The following MTMR9 variants were observed in gnomAD, a reference collection of about 807,000 sequenced individuals.
The protein encoded by MTMR9 is myotubularin related protein 9.
Under a neutral mutation model 69.5 loss-of-function variants are expected in MTMR9, and 39 were observed. The observed-to-expected ratio is 0.56, with a 90% CI of 0.43 to 0.73. MTMR9 has a LOEUF of 0.73. MTMR9 is among the 30% of genes least tolerant of loss of function. The pLI, the probability that MTMR9 is intolerant of heterozygous loss-of-function variation, is 0.00. For missense variants in MTMR9, 900 were observed against 671.2 expected (o/e 1.34, Z -3.77); for synonymous variants, 354 against 240.8 (o/e 1.47, Z -4.35).
chr8:11,305,780 G>A (rs188608571), intron 4 of MTMR9, among the ~76,000 whole-genome samples: 2 of 152,128 alleles, frequency 1.3e-5, no homozygotes, highest in Non-Finnish European at 2.9e-5. Flanking sequence ...TTTGCCACTG[G>A]TGCCTTTACT....
At chr8:11,292,529 C>G (rs959919391) in intron 1 of MTMR9, among the ~76,000 whole-genome samples, 2 of 152,286 alleles carry the variant, frequency 1.3e-5, no homozygotes, top group East Asian at 3.9e-4. Flanking sequence ...TAAATTTTGG[C>G]AATTCCAATA....
At position 11,326,827 on chromosome 8, in the gene MTMR9, A is replaced by C. The variant is rs1002490920; in HGVS notation, c.*4039A>C. The C allele has an allele frequency of 2.0e-5, 3 of 152,168 alleles. No homozygotes were observed. Among genetic ancestry groups the C allele is most frequent in the African/African-American group, 7.3e-5 (3 of 41,362 alleles). The allele number at this position is 152,168 out of a possible 1,614,324, so 9.4% of individuals were successfully genotyped here. A position where few individuals can be genotyped will look rare whatever the true frequency, so the allele number is the denominator to read the frequency against. On this transcript the variant is annotated 3_prime_UTR_variant, in exon 10 of 10. Coordinates refer to ENST00000221086, the MANE Select transcript of MTMR9 (RefSeq NM_015458.4). ...CTACTAAAAATACAAAAAATTAGCC[A>C]GGTGTGGTGGCGGGCGCCTGTAGTC...
chr8:11,309,910 A>G (rs1211133797), intron 6 of MTMR9, among the ~76,000 whole-genome samples: 1 of 152,148 alleles, frequency 6.6e-6, no homozygotes, highest in Non-Finnish European at 1.5e-5. Flanking sequence ...CATGTCTTCT[A>G]TGACACAAAT....
At chr8:11,330,627 G>A (rs1372680064), downstream of MTMR9, among the ~76,000 whole-genome samples, 1 of 152,176 alleles carries the variant, frequency 6.6e-6, no homozygotes, top group Non-Finnish European at 1.5e-5. Flanking sequence ...CCCCAGCCCT[G>A]TGCTCTCTGG....
chr8:11,297,986 T>C, intron 2 of MTMR9: 2 of 456,118 alleles, frequency 4.4e-6, no homozygotes, highest in South Asian at 3.1e-5. Context: ...ATAGCATAGC[T>C]GAGCTGTCCT....
rs755293086 is a variant in MTMR9, at chr8:11,313,711, C to T, written c.972-1212C>T. ...GTTAGTGGAGCAGTGAGAACACACA[C>T]AGCATTTGTTGATTAAGTTCACTGT... On this transcript the variant is annotated intron_variant, in intron 6 of 9. Transcript: ENST00000221086. Among the ~76,000 whole-genome samples the T allele has an allele frequency of 7.2e-5, 11 of 152,198 alleles. 1 individual carries two copies. The South Asian group carries it at 1.7e-3, about 23-fold the overall frequency.
downstream of MTMR9, chr8:11,331,436 C>G (rs201491144): frequency 3.5e-5 from 57 of 1,614,020 alleles, no homozygotes; most frequent in Admixed American, 4.3e-4. Context: ...GTGCCCTGCT[C>G]AACGTCCTCA....
chr8:11,304,186 G>C (rs1025234447), intron 3 of MTMR9, among the ~76,000 whole-genome samples: 1 of 151,884 alleles, frequency 6.6e-6, no homozygotes, highest in African/African-American at 2.4e-5. Context: ...TTATTTCATT[G>C]ACTCCTAAGC....
chr8:11,304,459 C>G (rs1334184413), intron 3 of MTMR9, among the ~76,000 whole-genome samples: 1 of 152,140 alleles, frequency 6.6e-6, no homozygotes, highest in Non-Finnish European at 1.5e-5. Flanking sequence ...ATATATTTAA[C>G]TTGGAGAATA....
chr8:11,315,447 C>T (rs929014999), intron 7 of MTMR9, among the ~76,000 whole-genome samples: 6 of 152,150 alleles, frequency 3.9e-5, no homozygotes, highest in African/African-American at 1.2e-4. Flanking sequence ...GCCTTTTGCT[C>T]GTGCTGCTCC....
At chr8:11,303,822 C>A (rs1376528973) in intron 3 of MTMR9, among the ~76,000 whole-genome samples, 1 of 152,036 alleles carries the variant, frequency 6.6e-6, no homozygotes, top group African/African-American at 2.4e-5. Context: ...GTGTGAACCA[C>A]TGTGCCCAGC....
At chr8:11,315,473 C>A (rs1204523205) in intron 7 of MTMR9, among the ~76,000 whole-genome samples, 1 of 152,124 alleles carries the variant, frequency 6.6e-6, no homozygotes, top group African/African-American at 2.4e-5. Context: ...GTGAAGCTTC[C>A]TTCAAAGATA....
chr8:11,331,515 T>C (rs1801226493), downstream of MTMR9: 3 of 1,613,864 alleles, frequency 1.9e-6, no homozygotes, highest in Non-Finnish European at 2.5e-6. Flanking sequence ...TCGCAAAGGT[T>C]CTTCCACCGT....
Position 11,314,869 on chromosome 8 carries a change from C to T in MTMR9, c.972-54C>T, listed in dbSNP as rs151040561. The T allele has an allele frequency of 2.2e-4, 352 of 1,564,492 alleles. 3 individuals are homozygous for T. The East Asian group carries it at 7.1e-3, about 32-fold the overall frequency. On this transcript the variant is annotated intron_variant, in intron 6 of 9. Transcript: ENST00000221086. ...ATAAACGCTTGTTATTAACAGAGTTCATTGACCATGTTGGACATTTCCCAT... is the reference window on the plus strand; with the variant it reads ...ATAAACGCTTGTTATTAACAGAGTTTATTGACCATGTTGGACATTTCCCAT...
chr8:11,284,992 A>G lies in MTMR9; in HGVS notation c.104A>G (p.His35Arg), dbSNP rs1205562164. 1 of 1,613,728 alleles carries G rather than the reference A, an allele frequency of 6.2e-7. No homozygotes were observed. The highest frequency in any genetic ancestry group is 8.5e-7 in the Non-Finnish European group (1 of 1,179,874). ...GGCACCCTGTGCCTGACGGGCCACC[A>G]CTTGATCCTGTCCTCCCGGCAGGAC... ...VEGTLCLTGH[H>R]LILSSRQDNT... Residue 35 changes from histidine (H) to arginine (R), a missense_variant, in exon 1 of 10, where the codon CAC becomes CGC. Coordinates refer to ENST00000221086, the MANE Select transcript of MTMR9 (RefSeq NM_015458.4).
intron 6 of MTMR9, among the ~76,000 whole-genome samples, chr8:11,313,009 C>T (rs1800264840): frequency 1.3e-5 from 2 of 152,240 alleles, no homozygotes; most frequent in Non-Finnish European, 2.9e-5. Flanking sequence ...TGTAAACAGA[C>T]ATGCTGTCAT....
chr8:11,321,481 C>T, intron 9 of MTMR9: 1 of 456,594 alleles, frequency 2.2e-6, no homozygotes, highest in Non-Finnish European at 4.4e-6. Flanking sequence ...GATTTAATTG[C>T]TTTGTACCAA....
chr8:11,330,415 G>A (rs1412645426), downstream of MTMR9, among the ~76,000 whole-genome samples: 1 of 152,256 alleles, frequency 6.6e-6, no homozygotes, highest in Non-Finnish European at 1.5e-5. Context: ...CGTCTGGGAG[G>A]TGTACCCAAC....
rs139747380 is a variant in MTMR9, at chr8:11,314,910, A to G, written c.972-13A>G. ...CATTTCCCATTTGTACTCTTCCCTG[A>G]TTTTCCTATCAGGGAAGGAGCATCA... On this transcript the variant is annotated splice_polypyrimidine_tract_variant and intron_variant, in intron 6 of 9. Transcript: ENST00000221086. 234 of 1,612,684 alleles carry G rather than the reference A, an allele frequency of 1.5e-4. No individual in the cohort carries two copies. The African/African-American group carries it at 2.9e-3, about 20-fold the overall frequency.
Sources: allele counts gnomAD v4.1 joint callset (sites outside exome capture counted in the v4.1 genomes callset), GRCh38; gene constraint gnomAD v4.1.1; transcripts MANE v1.5; gene names NCBI Gene and HGNC (gene_info 2026-07-23, HGNC 2026-07-21).